APBB2: variants seen among roughly 807,000 people sequenced by gnomAD.
APBB2 encodes the protein Fe65-like 1.
In APBB2, 38 loss-of-function variants were observed where a neutral mutation model predicts 82.5. The ratio of observed to expected loss-of-function variants is 0.46; its 90% confidence interval spans 0.36 to 0.60. APBB2 has a LOEUF of 0.60. APBB2 is among the 20% of genes least tolerant of loss of function. APBB2 has a pLI of 0.00. For synonymous variants in APBB2, 341 were observed against 368.2 expected, an observed-to-expected ratio of 0.93 and a Z score of 0.85; for missense variants, 772 against 972.3, an observed-to-expected ratio of 0.79 and a Z score of 2.74.
intron 1 of APBB2, among the ~76,000 whole-genome samples, chr4:41,159,312 G>T (rs879524638): frequency 6.6e-6 from 1 of 152,132 alleles, no homozygotes; most frequent in African/African-American, 2.4e-5. Context: ...TTAATATAAA[G>T]TCAGATAAAA....
At chr4:41,188,469 G>A (rs1161844578) in intron 1 of APBB2, among the ~76,000 whole-genome samples, 1 of 152,096 alleles carries the variant, frequency 6.6e-6, no homozygotes, top group Non-Finnish European at 1.5e-5. Context: ...CCTCATGGAT[G>A]GGATTTGTGC....
At chr4:40,837,895 T>C (rs1754512725) in intron 12 of APBB2, among the ~76,000 whole-genome samples, 1 of 152,178 alleles carries the variant, frequency 6.6e-6, no homozygotes, top group South Asian at 2.1e-4. Context: ...ACTCTTTTCA[T>C]TCCTGTCTTT....
chr4:41,136,679 G>A (rs1757663231), intron 2 of APBB2, among the ~76,000 whole-genome samples: 1 of 152,152 alleles, frequency 6.6e-6, no homozygotes, highest in Non-Finnish European at 1.5e-5. Context: ...GCAGAAAACA[G>A]GTTCCAAATC....
At position 40,925,110 on chromosome 4, in the gene APBB2, C is replaced by T. The variant is rs1044649812; in HGVS notation, c.1254+9346G>A. Among the ~76,000 whole-genome samples the T allele has an allele frequency of 2.6e-5, 4 of 152,156 alleles. No homozygotes were observed. In the East Asian group the frequency reaches 7.7e-4, roughly 29 times the overall value. On this transcript the variant is annotated intron_variant, in intron 10 of 17. Transcript: ENST00000508593. Reference sequence around the variant, plus strand: ...CCCTTTCAACCAGCCATGGAATATGCCCCCGGAACAACCCCCATTCGTGAC... The same window carrying T: ...CCCTTTCAACCAGCCATGGAATATGTCCCCGGAACAACCCCCATTCGTGAC...
chr4:40,816,097 G>C lies in APBB2; in HGVS notation c.2275C>G (p.Pro759Ala). 1.9e-6 allele frequency: 3 copies of C among 1,613,118 alleles called. No homozygotes were observed. Among genetic ancestry groups the C allele is most frequent in the Non-Finnish European group, 2.5e-6 (3 of 1,179,190 alleles). ...LKQKRPVTEM[P>A] is the part of the protein sequence containing the mutation. ...GAGTCCTTTTGCATGTGCAGCTATG[G>C]CATTTCGGTGACAGGGCGTTTCTGT... The change falls in exon 18 of 18, where the codon CCA (proline) becomes GCA (alanine). Residue 759 changes from proline (P) to alanine (A), a missense_variant. Physicochemically the swap from Pro to Ala is conservative, Grantham distance 27. Transcript: ENST00000508593.
chr4:41,049,499 G>A (rs13142213), intron 4 of APBB2, among the ~76,000 whole-genome samples: 1 of 120,538 alleles, frequency 8.3e-6, no homozygotes, highest in Admixed American at 7.5e-5. Flanking sequence ...GCCCCGTCCG[G>A]GAGGGAGGTG....
chr4:40,914,153 G>A (rs1480042889), intron 10 of APBB2, among the ~76,000 whole-genome samples: 1 of 152,030 alleles, frequency 6.6e-6, no homozygotes, highest in Non-Finnish European at 1.5e-5. Flanking sequence ...GGCGTATCAC[G>A]AGGTCAGGAG....
intron 6 of APBB2, among the ~76,000 whole-genome samples, chr4:40,997,138 T>G (rs964891660): frequency 2.0e-5 from 3 of 152,178 alleles, no homozygotes; most frequent in African/African-American, 7.2e-5. Flanking sequence ...TAATTCCTGT[T>G]TTCCCACATG....
intron 4 of APBB2, among the ~76,000 whole-genome samples, chr4:41,059,143 G>A (rs966072731): frequency 2.0e-5 from 3 of 151,832 alleles, no homozygotes; most frequent in Non-Finnish European, 4.4e-5. Flanking sequence ...CACCCATGAA[G>A]CATCAGGTCC....
At chr4:41,049,275 G>T (rs6447584) in intron 4 of APBB2, among the ~76,000 whole-genome samples, 13 of 146,684 alleles carry the variant, frequency 8.9e-5, no homozygotes, top group African/African-American at 3.3e-4. Flanking sequence ...CTGCCCGGCC[G>T]CCCCGTCGGA....
At chr4:40,990,332 C>T (rs534098538) in intron 6 of APBB2, 1 of 152,192 alleles carries the variant, frequency 6.6e-6, no homozygotes, top group South Asian at 2.1e-4. Context: ...CTCTCTCTCT[C>T]TTTCTCTCTC....
intron 6 of APBB2, among the ~76,000 whole-genome samples, chr4:40,964,712 T>A (rs1794170429): frequency 7.7e-6 from 1 of 130,094 alleles, no homozygotes; most frequent in Non-Finnish European, 1.6e-5. Context: ...TATGGATACA[T>A]CTCCAAAACA....
chr4:41,183,418 A>C (rs1275636043), intron 1 of APBB2, among the ~76,000 whole-genome samples: 1 of 152,186 alleles, frequency 6.6e-6, no homozygotes, highest in Non-Finnish European at 1.5e-5. Flanking sequence ...CTCCAGTACC[A>C]CAGAATGTGA....
intron 10 of APBB2, among the ~76,000 whole-genome samples, chr4:40,901,888 C>CTGAAATATATCTGAAATATAT (rs1775392307): frequency 6.8e-6 from 1 of 147,356 alleles, no homozygotes; most frequent in East Asian, 2.0e-4. Flanking sequence ...TTCTAAACAC[C>CTGAAATATATCTGAAATATAT]CTGAAAATAT....
At chr4:40,847,210 C>G (rs1757927787) in intron 12 of APBB2, among the ~76,000 whole-genome samples, 1 of 152,172 alleles carries the variant, frequency 6.6e-6, no homozygotes, top group Non-Finnish European at 1.5e-5. Flanking sequence ...CACTTGTAAT[C>G]CCAGCACTTT....
chr4:41,020,124 C>T (rs142622157), intron 5 of APBB2, among the ~76,000 whole-genome samples: 5,165 of 152,260 alleles, frequency 0.034, 122 homozygotes, highest in Middle Eastern at 0.071. Context: ...AATTTAAAAC[C>T]TATAATTGAT....
chr4:41,100,600 A>G (rs1186303614), intron 3 of APBB2, 39 bp downstream of exon 3: 1 of 152,198 alleles, frequency 6.6e-6, no homozygotes, highest in Non-Finnish European at 1.5e-5. Flanking sequence ...TGAGAGAGGT[A>G]TAACAGAATT....
chr4:40,896,008 G>A (rs998822718), intron 10 of APBB2, among the ~76,000 whole-genome samples: 1 of 152,032 alleles, frequency 6.6e-6, no homozygotes, highest in African/African-American at 2.4e-5. Context: ...GGGGGACAAT[G>A]TCAGATGGTG....
intron 4 of APBB2, among the ~76,000 whole-genome samples, chr4:41,050,590 C>A (rs1725582359): frequency 6.6e-6 from 1 of 152,156 alleles, no homozygotes; most frequent in Non-Finnish European, 1.5e-5. Flanking sequence ...GCCAATGTTA[C>A]CTTTCCCTGG....
Sources: allele counts gnomAD v4.1 joint callset (sites outside exome capture counted in the v4.1 genomes callset), GRCh38; gene constraint gnomAD v4.1.1; transcripts MANE v1.5; gene names NCBI Gene and HGNC (gene_info 2026-07-23, HGNC 2026-07-21).